ABCA13: variants seen among roughly 807,000 people sequenced by gnomAD.
ABCA13 encodes the protein ATP-binding cassette sub-family A member 13.
ABCA13 carries 476 observed loss-of-function variants against 478.7 expected under a neutral mutation model. The ratio of observed to expected loss-of-function variants is 0.99; its 90% CI spans 0.92 to 1.07. ABCA13 has a LOEUF of 1.07. Ranked by LOEUF, ABCA13 falls within the 50% of genes least tolerant of loss-of-function variation. The pLI is 0.00. For missense variants in ABCA13, 6,060 were observed against 5,910.6 expected (o/e 1.03, Z -0.83); for synonymous variants, 2,252 against 2,158.9 (o/e 1.04, Z -1.20).
chr7:48,206,806 G>GTGTGTGTGTGTGAGTGTT (rs1443932939), intron 3 of ABCA13, among the ~76,000 whole-genome samples: 1 of 152,000 alleles, frequency 6.6e-6, no homozygotes, highest in Non-Finnish European at 1.5e-5. Context: ...GTGTGAGTGT[G>GTGTGTGTGTGTGAGTGTT]TTAGGAACAT....
intron 59 of ABCA13, among the ~76,000 whole-genome samples, chr7:48,632,381 G>C (rs1175889082): frequency 6.6e-6 from 1 of 151,816 alleles, no homozygotes; most frequent in African/African-American, 2.4e-5. Context: ...TCACACTTTG[G>C]GTATTGCCCT....
chr7:48,358,941 G>A (rs140417233), intron 31 of ABCA13, among the ~76,000 whole-genome samples: 2,717 of 152,012 alleles, frequency 0.018, 42 homozygotes, highest in Admixed American at 0.023. Context: ...TCTCTTTCGA[G>A]CTTCCTGGAT....
intron 37 of ABCA13, among the ~76,000 whole-genome samples, chr7:48,390,747 ATGG>A (rs1306589002): frequency 6.6e-6 from 1 of 152,152 alleles, no homozygotes; most frequent in Non-Finnish European, 1.5e-5. Context: ...GGACCCAGGC[ATGG>A]TGGTGGTGGC....
intron 15 of ABCA13, among the ~76,000 whole-genome samples, chr7:48,255,556 G>A (rs1225072279): frequency 6.6e-6 from 1 of 152,000 alleles, no homozygotes; most frequent in Admixed American, 6.6e-5. Context: ...GGGAACATGT[G>A]GTATTTGATT....
chr7:48,376,680 A>G, intron 35 of ABCA13, 108 bp downstream of exon 35: 1 of 1,284,030 alleles, frequency 7.8e-7, no homozygotes, highest in Non-Finnish European at 1.1e-6. Context: ...AGATCCAGAA[A>G]GGGAAGTCTT....
At chr7:48,483,012 C>A in intron 46 of ABCA13, 64 bp from the exon 47 acceptor site, 1 of 1,356,644 alleles carries the variant, frequency 7.4e-7, no homozygotes, top group South Asian at 1.3e-5. Context: ...GTAATGAATA[C>A]CCTCTGATTA....
intron 14 of ABCA13, 116 bp from the exon 15 acceptor site, chr7:48,249,096 C>CA: frequency 1.2e-6 from 1 of 823,952 alleles, no homozygotes; most frequent in East Asian, 2.8e-5. Context: ...TATTTCCTTA[C>CA]ATAAGTGGAC....
intron 1 of ABCA13, among the ~76,000 whole-genome samples, chr7:48,184,261 G>A (rs1379572730): frequency 2.0e-5 from 3 of 152,074 alleles, no homozygotes; most frequent in Admixed American, 1.3e-4. Flanking sequence ...TTTTGACTGT[G>A]TTCAATTCTA....
chr7:48,224,818 G>T (rs569938542), intron 5 of ABCA13, among the ~76,000 whole-genome samples: 7 of 152,066 alleles, frequency 4.6e-5, no homozygotes, highest in Non-Finnish European at 8.8e-5. Context: ...TTCATATGTT[G>T]TTATAGTTTA....
Position 48,272,174 on chromosome 7 carries a change from AT to A in ABCA13, c.2510del (p.Leu837TyrfsTer21), listed in dbSNP as rs2128749171. 3 of 1,613,124 alleles carry A rather than the reference AT, an allele frequency of 1.9e-6. No homozygotes were observed. The highest frequency in any genetic ancestry group is 2.5e-6 in the Non-Finnish European group (3 of 1,179,550). On this transcript the variant is annotated frameshift_variant, in exon 17 of 62. Transcript: ENST00000435803. LOFTEE classifies it high-confidence loss of function. ...LFEINPKLLE[L>X]WAYGISKGKR... ...TTGAAATTAATCCCAAATTACTAGAATTATGGGCCTATGGCATTTCAAAAGG... is the reference window on the plus strand; with the variant it reads ...TTGAAATTAATCCCAAATTACTAGAATATGGGCCTATGGCATTTCAAAAGG...
chr7:48,211,499 G>A (rs1049368659), intron 3 of ABCA13, among the ~76,000 whole-genome samples: 21 of 152,216 alleles, frequency 1.4e-4, no homozygotes, highest in African/African-American at 4.3e-4. Flanking sequence ...TCCACACTGG[G>A]CTGCCTGGAA....
intron 56 of ABCA13, among the ~76,000 whole-genome samples, chr7:48,584,502 G>A (rs73694687): frequency 0.034 from 5,211 of 152,210 alleles, 316 homozygotes; most frequent in African/African-American, 0.12. Context: ...GTGTACATTA[G>A]TTTCTTTGGT....
intron 1 of ABCA13, among the ~76,000 whole-genome samples, chr7:48,183,989 G>T (rs923777995): frequency 6.6e-6 from 1 of 152,110 alleles, no homozygotes; most frequent in African/African-American, 2.4e-5. Flanking sequence ...AATTAATATG[G>T]TTCAATTTAC....
At position 48,212,541 on chromosome 7, in the gene ABCA13, T is replaced by G. The variant is rs149003246; in HGVS notation, c.288-6813T>G. Among the ~76,000 whole-genome samples, 13 of 152,360 alleles carry G rather than the reference T, an allele frequency of 8.5e-5. No homozygotes were observed. In the East Asian group the frequency reaches 2.5e-3, roughly 29 times the overall value. ...TTTGTTCGAAAGTGTTGTGCAATTT[T>G]ATACTCCCAACATCAATACATAAGA... On this transcript the variant is annotated intron_variant, in intron 3 of 61. Transcript: ENST00000435803.
At chr7:48,318,933 T>A (rs1802987717) in intron 27 of ABCA13, among the ~76,000 whole-genome samples, 1 of 152,208 alleles carries the variant, frequency 6.6e-6, no homozygotes, top group Non-Finnish European at 1.5e-5. Context: ...TAACAATTAG[T>A]GTGATGATCT....
chr7:48,350,427 C>T (rs1438000740), intron 29 of ABCA13, among the ~76,000 whole-genome samples: 1 of 151,980 alleles, frequency 6.6e-6, no homozygotes, highest in African/African-American at 2.4e-5. Context: ...GTACATGTAT[C>T]AGTGTTACAG....
At chr7:48,180,105 A>C (rs1795459823) in intron 1 of ABCA13, among the ~76,000 whole-genome samples, 1 of 151,476 alleles carries the variant, frequency 6.6e-6, no homozygotes, top group Non-Finnish European at 1.5e-5. Context: ...CTCTGAATTT[A>C]TCTGATGAAG....
chr7:48,420,901 A>G (rs1327512296), intron 41 of ABCA13, among the ~76,000 whole-genome samples: 1 of 152,120 alleles, frequency 6.6e-6, no homozygotes, highest in Non-Finnish European at 1.5e-5. Flanking sequence ...GTCACTGTCA[A>G]TCTGCAAGAA....
intron 29 of ABCA13, among the ~76,000 whole-genome samples, chr7:48,341,379 T>A (rs1807138957): frequency 6.6e-6 from 1 of 152,168 alleles, no homozygotes; most frequent in Non-Finnish European, 1.5e-5. Flanking sequence ...TCTGCTCTCC[T>A]GGGGTGGATA....
Sources: gnomAD v4.1 joint callset for allele counts (sites outside exome capture counted in the v4.1 genomes callset) on GRCh38, gnomAD v4.1.1 for gene constraint, MANE v1.5 for transcripts, NCBI Gene and HGNC (gene_info 2026-07-23, HGNC 2026-07-21) for gene names.